RUNX2: variants seen among roughly 807,000 people sequenced by gnomAD.
The protein encoded by RUNX2 is RUNX family transcription factor 2.
RUNX2 carries 10 observed loss-of-function variants against 51.7 expected under a neutral mutation model. The observed-to-expected ratio is 0.19, with a 90% CI of 0.12 to 0.33. The LOEUF (loss-of-function observed/expected upper bound fraction) is 0.33. Ranked by LOEUF, RUNX2 falls within the 10% of genes least tolerant of loss-of-function variation. RUNX2 has a pLI of 1.00. For missense variants in RUNX2, 562 were observed against 691.3 expected, an observed-to-expected ratio of 0.81 and a Z score of 2.10; for synonymous variants, 276 against 273.6, an observed-to-expected ratio of 1.01 and a Z score of -0.09.
chr6:45,434,749 GAC>G (rs1023308462), intron 4 of RUNX2, among the ~76,000 whole-genome samples: 5 of 152,048 alleles, frequency 3.3e-5, no homozygotes, highest in Non-Finnish European at 7.4e-5. Context: ...AGCCATGGAT[GAC>G]ACAATTAGTT....
chr6:45,399,819 TAAGGAAGG>T (rs201636835), intron 2 of RUNX2, among the ~76,000 whole-genome samples: 56 of 71,942 alleles, frequency 7.8e-4, no homozygotes, highest in East Asian at 1.9e-3. Flanking sequence ...GGGAGGGAAG[TAAGGAAGG>T]AAGGAAGGAA....
intron 7 of RUNX2, among the ~76,000 whole-genome samples, chr6:45,534,446 C>G (rs1352932610): frequency 6.6e-6 from 1 of 152,022 alleles, no homozygotes; most frequent in Non-Finnish European, 1.5e-5. Context: ...ACTTAAAAAG[C>G]AAAATCTGAG....
At chr6:45,413,593 G>T (rs1052343512) in intron 2 of RUNX2, among the ~76,000 whole-genome samples, 1 of 151,686 alleles carries the variant, frequency 6.6e-6, no homozygotes, top group Non-Finnish European at 1.5e-5. Flanking sequence ...ACCACACCTG[G>T]CTAATTTTTG....
intron 7 of RUNX2, among the ~76,000 whole-genome samples, chr6:45,529,358 G>A (rs1019450170): frequency 6.6e-6 from 1 of 152,104 alleles, no homozygotes; most frequent in Non-Finnish European, 1.5e-5. Flanking sequence ...GTATTTGATG[G>A]ATTTATTTTG....
chr6:45,486,100 T>C (rs1800276144), intron 5 of RUNX2, among the ~76,000 whole-genome samples: 1 of 152,140 alleles, frequency 6.6e-6, no homozygotes, highest in Non-Finnish European at 1.5e-5. Context: ...CCTAACTATA[T>C]GTTAGCCCTT....
At chr6:45,432,087 T>C in intron 4 of RUNX2, 68 bp downstream of exon 4, 1 of 1,412,516 alleles carries the variant, frequency 7.1e-7, no homozygotes, top group Non-Finnish European at 9.9e-7. Flanking sequence ...AAATGTAGAC[T>C]AGTCTGTATA....
chr6:45,367,018 A>G (rs1307120370), intron 2 of RUNX2, among the ~76,000 whole-genome samples: 2 of 152,216 alleles, frequency 1.3e-5, no homozygotes, highest in Non-Finnish European at 2.9e-5. Context: ...TCACTTACCA[A>G]GGGCTGAGAT....
rs76308654 is a variant in RUNX2 at position 45,465,547 on chromosome 6, G to A, written c.686-26394G>A. 8.9e-3 allele frequency among the ~76,000 whole-genome samples: 1,360 copies of A among 152,002 alleles called. 20 individuals are homozygous for A. The highest frequency in any genetic ancestry group is 0.031 in the African/African-American group (1,271 of 41,476). On this transcript the variant is annotated intron_variant, in intron 5 of 8. Transcript: ENST00000647337. ...CTTGTCTAGTTGATATGGTCATATG[G>A]TCATATGATGTTTTAGAAATTTGCC...
chr6:45,526,379 A>G (rs996855783), intron 7 of RUNX2, among the ~76,000 whole-genome samples: 22 of 152,314 alleles, frequency 1.4e-4, no homozygotes, highest in Admixed American at 2.6e-4. Flanking sequence ...AGAATGGTAC[A>G]TTTGTAAGTG....
chr6:45,523,144 G>T (rs190157937), intron 7 of RUNX2, among the ~76,000 whole-genome samples: 1 of 152,184 alleles, frequency 6.6e-6, no homozygotes, highest in Non-Finnish European at 1.5e-5. Flanking sequence ...GGAAAAATAG[G>T]ATCACTGACA....
chr6:45,354,333 G>A (rs1470137671), intron 2 of RUNX2, among the ~76,000 whole-genome samples: 3 of 151,990 alleles, frequency 2.0e-5, no homozygotes, highest in African/African-American at 7.3e-5. Context: ...TATAGCAGGT[G>A]AAAGGAAAAA....
chr6:45,472,093 C>A (rs1302408090), intron 5 of RUNX2, among the ~76,000 whole-genome samples: 1 of 152,020 alleles, frequency 6.6e-6, no homozygotes, highest in Non-Finnish European at 1.5e-5. Context: ...AATTCTCATG[C>A]ACGACTAGGC....
At chr6:45,339,558 T>C (rs1361607198) in intron 2 of RUNX2, among the ~76,000 whole-genome samples, 2 of 152,118 alleles carry the variant, frequency 1.3e-5, no homozygotes, top group African/African-American at 2.4e-5. Flanking sequence ...TAACCAGTAA[T>C]ATTAATAAGA....
intron 2 of RUNX2, among the ~76,000 whole-genome samples, chr6:45,351,964 C>T (rs1458372247): frequency 6.6e-6 from 1 of 152,076 alleles, no homozygotes; most frequent in Admixed American, 6.6e-5. Context: ...GCTTTCTGTC[C>T]CTAATTCTAC....
At chr6:45,357,895 A>T (rs373188464) in intron 2 of RUNX2, among the ~76,000 whole-genome samples, 1 of 151,588 alleles carries the variant, frequency 6.6e-6, no homozygotes, top group Non-Finnish European at 1.5e-5. Context: ...GACTAAGAGT[A>T]TATATATATA....
At chr6:45,389,986 A>G (rs1254277706) in intron 2 of RUNX2, among the ~76,000 whole-genome samples, 1 of 146,878 alleles carries the variant, frequency 6.8e-6, no homozygotes, top group African/African-American at 2.5e-5. Context: ...AGCCTGGGCC[A>G]CAGAGGAAGA....
Position 45,547,442 on chromosome 6 carries a change from T to C in RUNX2, c.*137T>C. 1.3e-6 allele frequency: 1 copy of C among 753,918 alleles called. No homozygotes were observed. The highest frequency in any genetic ancestry group is 2.3e-6 in the Non-Finnish European group (1 of 435,648). The allele number at this position is 753,918 out of a possible 1,614,324, so 46.7% of individuals were successfully genotyped here. ...TGCCTATTTTTTAGAAGATTTTTCA[T>C]TCACTCACTCAGTCATGATCTTGCA... On this transcript the variant is annotated 3_prime_UTR_variant, in exon 9 of 9. Coordinates refer to ENST00000647337, the MANE Select transcript of RUNX2 (RefSeq NM_001024630.4).
At chr6:45,412,967 T>C (rs1582084731) in intron 2 of RUNX2, among the ~76,000 whole-genome samples, 1 of 152,082 alleles carries the variant, frequency 6.6e-6, no homozygotes, top group Admixed American at 6.6e-5. Context: ...GCCAGGCTGG[T>C]TTCAAACTCC....
chr6:45,379,082 A>T (rs1160868950), intron 2 of RUNX2, among the ~76,000 whole-genome samples: 1 of 152,180 alleles, frequency 6.6e-6, no homozygotes, highest in Non-Finnish European at 1.5e-5. Flanking sequence ...TAAAATAGCA[A>T]CTTATTTGGT....
Sources: gnomAD v4.1 joint callset for allele counts (sites outside exome capture counted in the v4.1 genomes callset) on GRCh38, gnomAD v4.1.1 for gene constraint, MANE v1.5 for transcripts, NCBI Gene and HGNC (gene_info 2026-07-23, HGNC 2026-07-21) for gene names.